TRIM24: variants seen among roughly 807,000 people sequenced by gnomAD.
TRIM24 encodes transcription intermediary factor 1-alpha.
A neutral mutation model predicts 123.9 loss-of-function variants in TRIM24; 29 were observed. That is an observed-to-expected ratio of 0.23 (90% CI 0.17 to 0.32). TRIM24 has a LOEUF of 0.32. Among genes scored for constraint, TRIM24 ranks in the 10% least tolerant of loss-of-function variants. TRIM24 has a pLI of 1.00. For synonymous variants in TRIM24, 456 were observed against 461.1 expected, an observed-to-expected ratio of 0.99 and a Z score of 0.14; for missense variants, 932 against 1,295.3, an observed-to-expected ratio of 0.72 and a Z score of 4.31.
In TRIM24 at chr7:138,567,470, C is replaced by A; in HGVS notation, c.1531-11C>A. On this transcript the variant is annotated splice_polypyrimidine_tract_variant and intron_variant, in intron 9 of 18. Coordinates refer to ENST00000343526, the MANE Select transcript of TRIM24 (RefSeq NM_015905.3). The stretch of plus-strand genomic sequence containing the variant: ...GATTGTTACTAAATTGGTTTAATTT[C>A]TTTTTTCTAGCAACCGCCTCCACGT... The A allele has an allele frequency of 6.3e-7, 1 of 1,591,252 alleles. No individual in the cohort carries two copies. The highest frequency in any genetic ancestry group is 8.5e-7 in the Non-Finnish European group (1 of 1,170,312).
At chr7:138,552,200 G>A (rs1584734724) in intron 8 of TRIM24, among the ~76,000 whole-genome samples, 1 of 152,170 alleles carries the variant, frequency 6.6e-6, no homozygotes, top group East Asian at 1.9e-4. Context: ...TGTGTAGTAG[G>A]CTATACAGTG....
chr7:138,529,159 A>G lies in TRIM24; in HGVS notation c.925A>G (p.Ile309Val). 1 of 1,580,442 alleles carries G rather than the reference A, an allele frequency of 6.3e-7. No homozygotes were observed. Among genetic ancestry groups the G allele is most frequent in the Non-Finnish European group, 8.6e-7 (1 of 1,166,894 alleles). Reference protein sequence around the residue: ...NQNQKQVEQDIKVAIFTLMVE... With the variant: ...NQNQKQVEQDVKVAIFTLMVE... ...AAATCAAAAGCAGGTGGAACAGGAT[A>G]TTAAAGTTGCTATATTTACACTGAT... The change falls in exon 6 of 19, where the codon ATT (isoleucine) becomes GTT (valine). Residue 309 changes from isoleucine (I) to valine (V), a missense_variant. Physicochemically the swap from Ile to Val is conservative, Grantham distance 29 (BLOSUM62 3). Coordinates refer to ENST00000343526, the MANE Select transcript of TRIM24 (RefSeq NM_015905.3).
chr7:138,537,627 A>G (rs1796918734), intron 6 of TRIM24, among the ~76,000 whole-genome samples: 1 of 152,134 alleles, frequency 6.6e-6, no homozygotes, highest in Non-Finnish European at 1.5e-5. Context: ...AGAAACACTT[A>G]ATAAATTTTT....
chr7:138,483,592 G>A (rs974391430), intron 1 of TRIM24, among the ~76,000 whole-genome samples: 3 of 152,192 alleles, frequency 2.0e-5, no homozygotes, highest in Admixed American at 1.3e-4. Context: ...ATAGGATTAT[G>A]AGGTTGGCCC....
chr7:138,517,854 CTCTT>C (rs1166201854), intron 3 of TRIM24, among the ~76,000 whole-genome samples: 1 of 152,138 alleles, frequency 6.6e-6, no homozygotes, highest in African/African-American at 2.4e-5. Context: ...TGTGTCTTCT[CTCTT>C]TCTCTCTTGC....
rs1798027944 is a variant in TRIM24 at position 138,586,788 on chromosome 7, C to T, written c.*1837C>T. The stretch of plus-strand genomic sequence containing the variant: ...GTTGGTATCTTAGAATACTGTTCGT[C>T]TGACAGTTTATTCTTCCATACTTGT... On this transcript the variant is annotated 3_prime_UTR_variant, in exon 19 of 19. Transcript: ENST00000343526. The T allele has an allele frequency of 6.6e-6, 1 of 152,150 alleles. No homozygotes were observed. The highest frequency in any genetic ancestry group is 2.1e-4 in the South Asian group (1 of 4,826). The allele number at this position is 152,150 out of a possible 1,614,324, so 9.4% of individuals were successfully genotyped here. A position where few individuals can be genotyped will look rare whatever the true frequency, so the allele number is the denominator to read the frequency against.
chr7:138,554,934 G>A lies in TRIM24; in HGVS notation c.1498G>A (p.Gly500Arg). 1 of 1,614,120 alleles carries A rather than the reference G, an allele frequency of 6.2e-7. No individual in the cohort carries two copies. Among genetic ancestry groups the A allele is most frequent in the Non-Finnish European group, 8.5e-7 (1 of 1,179,980 alleles). The change falls in exon 9 of 19, where the codon GGG becomes AGG. Residue 500 changes from glycine (G) to arginine (R), a missense_variant. Physicochemically the swap from Gly to Arg is moderately radical, Grantham distance 125. Transcript: ENST00000343526. The surrounding 1 kb of genome is among the most constrained non-coding windows in gnomAD (Gnocchi z 4.5). ...PVGLPNPRMQ[G>R]PIQQPSISHQ... ...GGGTTTACCAAACCCTAGAATGCAG[G>A]GGCCCATCCAGCAACCTTCCATCTC...
At chr7:138,558,013 C>A (rs1238075238) in intron 9 of TRIM24, among the ~76,000 whole-genome samples, 1 of 152,040 alleles carries the variant, frequency 6.6e-6, no homozygotes, top group East Asian at 1.9e-4. Context: ...CTTTTTGTTT[C>A]ATCATAAACA....
chr7:138,463,196 T>C (rs1795051697), intron 1 of TRIM24, among the ~76,000 whole-genome samples: 1 of 150,362 alleles, frequency 6.7e-6, no homozygotes, highest in Non-Finnish European at 1.5e-5. Flanking sequence ...GGCCTGTTCT[T>C]ATTTCTTAGA....
At chr7:138,489,684 T>G (rs189432956) in intron 1 of TRIM24, among the ~76,000 whole-genome samples, 332 of 152,334 alleles carry the variant, frequency 2.2e-3, no homozygotes, top group African/African-American at 7.0e-3. Context: ...GCCCTCACTC[T>G]CTTGGCTTGT....
At chr7:138,519,857 C>T (rs1796471275) in intron 4 of TRIM24, among the ~76,000 whole-genome samples, 1 of 152,046 alleles carries the variant, frequency 6.6e-6, no homozygotes, top group Admixed American at 6.6e-5. Context: ...CCTAGCAAAG[C>T]TCACTTTTAA....
intron 3 of TRIM24, among the ~76,000 whole-genome samples, chr7:138,517,350 TTG>T (rs1365385411): frequency 6.6e-6 from 1 of 151,940 alleles, no homozygotes; most frequent in Admixed American, 6.6e-5. Flanking sequence ...CTTAGGGTTT[TTG>T]TGTGTGTGTG....
At chr7:138,579,070 T>TAAACATATACCCTTCTCCTGAAGA (rs1305095471) in intron 14 of TRIM24, 134 bp from the exon 15 acceptor site, 12 of 635,412 alleles carry the variant, frequency 1.9e-5, no homozygotes, top group Non-Finnish European at 3.1e-5. Context: ...CAGTTAGCAA[T>TAAACATATACCCTTCTCCTGAAGA]AAACATATAC....
At chr7:138,549,355 A>G (rs145191549) in intron 7 of TRIM24, among the ~76,000 whole-genome samples, 98 of 152,286 alleles carry the variant, frequency 6.4e-4, no homozygotes, top group African/African-American at 2.4e-3. Flanking sequence ...TGTGGGAGAG[A>G]GGAAATCACC....
At chr7:138,489,671 T>C (rs895023900) in intron 1 of TRIM24, among the ~76,000 whole-genome samples, 5 of 152,226 alleles carry the variant, frequency 3.3e-5, no homozygotes, top group Non-Finnish European at 7.3e-5. Flanking sequence ...GTGTTGAATA[T>C]TGGCCCTCAC....
chr7:138,571,082 C>T, intron 11 of TRIM24, 79 bp downstream of exon 11: 1 of 1,431,768 alleles, frequency 7.0e-7, no homozygotes, highest in Non-Finnish European at 9.7e-7. Flanking sequence ...GTAATCCCAG[C>T]ACTTTGGGAG....
intron 1 of TRIM24, among the ~76,000 whole-genome samples, chr7:138,480,797 T>C (rs942101928): frequency 8.5e-5 from 13 of 152,252 alleles, no homozygotes; most frequent in African/African-American, 2.9e-4. Flanking sequence ...AATCTTTTTA[T>C]TTTTTGGCAA....
chr7:138,582,719 C>CA lies in TRIM24; in HGVS notation c.2793+958dup, dbSNP rs148007418. On this transcript the variant is annotated intron_variant, in intron 17 of 18. Coordinates refer to ENST00000343526, the MANE Select transcript of TRIM24 (RefSeq NM_015905.3). ...GGGCAACAAGAGCAAAACTCTGTCCCAAAAAAAAAATTTTTTTTCATTTGT... is the reference window on the plus strand; with the variant it reads ...GGGCAACAAGAGCAAAACTCTGTCCCAAAAAAAAAAATTTTTTTTCATTTGT... 5.3e-3 allele frequency among the ~76,000 whole-genome samples: 801 copies of CA among 149,910 alleles called. 4 individuals carry two copies. The highest frequency in any genetic ancestry group is 0.018 in the African/African-American group (742 of 40,882).
intron 1 of TRIM24, among the ~76,000 whole-genome samples, chr7:138,464,673 C>T (rs1375412240): frequency 6.6e-6 from 1 of 152,016 alleles, no homozygotes; most frequent in African/African-American, 2.4e-5. Context: ...TATACACACA[C>T]ACAATTAATT....
Sources: allele counts gnomAD v4.1 joint callset (sites outside exome capture counted in the v4.1 genomes callset), GRCh38; gene constraint gnomAD v4.1.1; non-coding constraint Gnocchi (gnomAD v3.1); transcripts MANE v1.5; gene names NCBI Gene and HGNC (gene_info 2026-07-23, HGNC 2026-07-21).